DAAM1: variants seen among roughly 807,000 people sequenced by gnomAD.
DAAM1 encodes dishevelled associated activator of morphogenesis 1.
DAAM1 carries 52 observed loss-of-function variants against 130.0 expected under a neutral mutation model. The observed-to-expected ratio is 0.40, with a 90% CI of 0.32 to 0.50. DAAM1 has a LOEUF of 0.50. Ranked by LOEUF, DAAM1 falls within the 20% of genes least tolerant of loss-of-function variation. The pLI is 0.61. For synonymous variants in DAAM1, 452 were observed against 444.5 expected, an observed-to-expected ratio of 1.02 and a Z score of -0.21; for missense variants, 1,134 against 1,303.8, an observed-to-expected ratio of 0.87 and a Z score of 2.01.
chr14:59,329,645 G>T (rs182166298), intron 12 of DAAM1, among the ~76,000 whole-genome samples: 3 of 152,228 alleles, frequency 2.0e-5, no homozygotes, highest in East Asian at 3.9e-4. Context: ...ATAAAAATCC[G>T]CAGCCTAAAC....
At chr14:59,274,139 C>G (rs1273179210) in intron 2 of DAAM1, among the ~76,000 whole-genome samples, 1 of 152,044 alleles carries the variant, frequency 6.6e-6, no homozygotes, top group Non-Finnish European at 1.5e-5. Flanking sequence ...CTTGGCAAAC[C>G]AGATTCCTGA....
At chr14:59,283,503 A>T (rs1883308016) in intron 2 of DAAM1, among the ~76,000 whole-genome samples, 1 of 152,158 alleles carries the variant, frequency 6.6e-6, no homozygotes, top group African/African-American at 2.4e-5. Flanking sequence ...TTAGGGAGTA[A>T]TACTGTATGT....
intron 16 of DAAM1, among the ~76,000 whole-genome samples, chr14:59,344,745 G>T (rs1397396112): frequency 6.6e-6 from 1 of 152,188 alleles, no homozygotes; most frequent in African/African-American, 2.4e-5. Flanking sequence ...GCCTCTGGGG[G>T]TTGAGGAGCA....
intron 1 of DAAM1, among the ~76,000 whole-genome samples, chr14:59,230,402 CT>C (rs1180156070): frequency 6.6e-6 from 1 of 151,140 alleles, no homozygotes; most frequent in Non-Finnish European, 1.5e-5. Context: ...GGCTGGGTTT[CT>C]TTCTATCCAA....
rs376372237 is a variant in DAAM1 at position 59,249,545 on chromosome 14, T to C, written c.-37-13896T>C. Among the ~76,000 whole-genome samples, 23 of 152,330 alleles carry C rather than the reference T, an allele frequency of 1.5e-4. 1 individual carries two copies. The highest frequency in any genetic ancestry group is 8.5e-4 in the Admixed American group (13 of 15,304). ...AACTAAGTAAACTTGGGAAGTGTAT[T>C]CAGGAAGTAATTAGAGTTCTTATAG... On this transcript the variant is annotated intron_variant, in intron 1 of 24. Transcript: ENST00000360909.
chr14:59,263,556 A>T lies in DAAM1; in HGVS notation c.79A>T (p.Thr27Ser). 2.5e-6 allele frequency: 4 copies of T among 1,614,200 alleles called. No homozygotes were observed. Among genetic ancestry groups the T allele is most frequent in the Non-Finnish European group, 3.4e-6 (4 of 1,180,034 alleles). The change falls in exon 2 of 25, where the codon ACG becomes TCG. Residue 27 changes from threonine (T) to serine (S), a missense_variant. Physicochemically the swap from Thr to Ser is moderately conservative, Grantham distance 58. Coordinates refer to ENST00000360909, the MANE Select transcript of DAAM1 (RefSeq NM_001270520.2). Reference protein sequence around the residue: ...CFRNNDHPEITYRLRNDSNFA... With the variant: ...CFRNNDHPEISYRLRNDSNFA... ...CCGAAATAATGATCACCCAGAAATC[A>T]CGTATCGGCTGCGAAATGATAGCAA...
At chr14:59,288,861 G>GAGAGAGAGCA (rs3047845) in intron 2 of DAAM1, among the ~76,000 whole-genome samples, 3 of 148,482 alleles carry the variant, frequency 2.0e-5, no homozygotes, top group African/African-American at 7.5e-5. Flanking sequence ...GAGAGAGAGA[G>GAGAGAGAGCA]CGCGCGAAGG....
chr14:59,257,659 G>A (rs1881966997), intron 1 of DAAM1, among the ~76,000 whole-genome samples: 1 of 152,156 alleles, frequency 6.6e-6, no homozygotes, highest in Non-Finnish European at 1.5e-5. Context: ...AAATAAAGTT[G>A]GCAAGGGTCA....
At chr14:59,222,298 G>A (rs1047384591) in intron 1 of DAAM1, among the ~76,000 whole-genome samples, 1 of 152,218 alleles carries the variant, frequency 6.6e-6, no homozygotes, top group Non-Finnish European at 1.5e-5. Flanking sequence ...TCCATGGTTG[G>A]TGATTTTGGC....
intron 11 of DAAM1, 27 bp downstream of exon 11, chr14:59,326,675 TG>T: frequency 1.9e-6 from 3 of 1,606,606 alleles, no homozygotes; most frequent in Non-Finnish European, 2.5e-6. Context: ...TCTGCTGCTG[TG>T]AGATAATGGT....
At chr14:59,243,720 G>A (rs557636527) in intron 1 of DAAM1, among the ~76,000 whole-genome samples, 1 of 152,200 alleles carries the variant, frequency 6.6e-6, no homozygotes, top group South Asian at 2.1e-4. Flanking sequence ...AGCAATCACT[G>A]GTCTGTAGTA....
chr14:59,355,440 T>C (rs566604342), intron 20 of DAAM1, 107 bp downstream of exon 20: 8 of 1,347,372 alleles, frequency 5.9e-6, no homozygotes, highest in African/African-American at 1.5e-5. Context: ...CATTCTTCAG[T>C]TGGAACTTCT....
intron 3 of DAAM1, among the ~76,000 whole-genome samples, chr14:59,294,149 C>T (rs962112555): frequency 7.2e-5 from 11 of 152,222 alleles, no homozygotes; most frequent in Middle Eastern, 3.4e-3. Flanking sequence ...AAACAGATGG[C>T]GTGAGTTGGT....
chr14:59,362,059 T>TA (rs1159364499), intron 22 of DAAM1, among the ~76,000 whole-genome samples: 48 of 147,318 alleles, frequency 3.3e-4, no homozygotes, highest in East Asian at 7.9e-4. Flanking sequence ...GGGGCAGTAT[T>TA]AAAAAAAAAA....
chr14:59,352,624 G>C lies in DAAM1; in HGVS notation c.2259G>C (p.Glu753Asp). The C allele has an allele frequency of 6.2e-7, 1 of 1,612,656 alleles. No homozygotes were observed. The highest frequency in any genetic ancestry group is 1.3e-5 in the African/African-American group (1 of 75,044). ...CCAAGGCTGATAGGTTCCTTTTTGA[G>C]ATGAGCCGGTGAGTTTGAAAATGCT... ...RMAKADRFLF[E>D]MSRINHYQQR... The change falls in exon 18 of 25, where the codon GAG becomes GAC. Residue 753 changes from glutamate to aspartate, a missense_variant. Coordinates refer to ENST00000360909, the MANE Select transcript of DAAM1 (RefSeq NM_001270520.2).
At chr14:59,327,402 CTT>C (rs386381493) in intron 12 of DAAM1, among the ~76,000 whole-genome samples, 45 of 58,986 alleles carry the variant, frequency 7.6e-4, no homozygotes, top group African/African-American at 2.2e-3. Context: ...CACTTGGTTT[CTT>C]TTTTTTTTTT....
Position 59,310,378 on chromosome 14 carries a change from C to T in DAAM1, c.274-4902C>T, listed in dbSNP as rs186984370. 6.6e-3 allele frequency among the ~76,000 whole-genome samples: 1,003 copies of T among 152,128 alleles called. 5 individuals carry two copies. The highest frequency in any genetic ancestry group is 0.012 in the Non-Finnish European group (794 of 68,008). ...GAACTCCCAGCCTCAAGTGATCCAC[C>T]CACCTCAGTCTCCCAAAGTGCTGGG... On this transcript the variant is annotated intron_variant, in intron 3 of 24. Transcript: ENST00000360909.
At chr14:59,212,404 A>C (rs1349101347) in intron 1 of DAAM1, among the ~76,000 whole-genome samples, 2 of 152,222 alleles carry the variant, frequency 1.3e-5, no homozygotes, top group Non-Finnish European at 2.9e-5. Flanking sequence ...TGAAGCACAT[A>C]TTATGGCTTA....
chr14:59,194,714 T>C (rs1287336891), intron 1 of DAAM1, among the ~76,000 whole-genome samples: 1 of 152,234 alleles, frequency 6.6e-6, no homozygotes, highest in African/African-American at 2.4e-5. Context: ...GCCTTAGATA[T>C]TAAAATAAAC....
Sources: allele counts gnomAD v4.1 joint callset (sites outside exome capture counted in the v4.1 genomes callset), GRCh38; gene constraint gnomAD v4.1.1; transcripts MANE v1.5; gene names NCBI Gene and HGNC (gene_info 2026-07-23, HGNC 2026-07-21).